The following TEX264 variants were observed in gnomAD, a reference collection of about 807,000 sequenced individuals.
TEX264 encodes testis expressed 264, ER-phagy receptor.
In TEX264, 13 loss-of-function variants were observed where a neutral mutation model predicts 23.4. That is an observed-to-expected ratio of 0.56 (90% CI 0.36 to 0.88). The LOEUF (loss-of-function observed/expected upper bound fraction) is 0.88, where lower values mean the gene tolerates loss of function less well. Among genes scored for constraint, TEX264 ranks in the 40% least tolerant of loss-of-function variants. The pLI is 0.01. For synonymous variants in TEX264, 159 were observed against 170.0 expected (o/e 0.94, Z 0.50); for missense variants, 340 against 406.8 (o/e 0.84, Z 1.41).
At chr3:51,682,529 T>C (rs1234081267) in intron 2 of TEX264, 1 of 152,236 alleles carries the variant, frequency 6.6e-6, no homozygotes, top group Non-Finnish European at 1.5e-5. Context: ...TTCTAGGCCA[T>C]GGACAGTTGT....
At chr3:51,700,207 G>T (rs1159690146) in intron 4 of TEX264, among the ~76,000 whole-genome samples, 1 of 152,132 alleles carries the variant, frequency 6.6e-6, no homozygotes, top group African/African-American at 2.4e-5. Context: ...GTGACCCCGG[G>T]CTGTCTCAGG....
chr3:51,700,949 G>A (rs1458519533), intron 4 of TEX264, among the ~76,000 whole-genome samples: 3 of 152,202 alleles, frequency 2.0e-5, no homozygotes, highest in Admixed American at 1.3e-4. Context: ...GGTGGTGGGT[G>A]CATGCAGGAT....
In TEX264 at chr3:51,686,018, TGAGG is replaced by T. The variant is rs757402520; in HGVS notation, c.480+1389_480+1392del. Among the ~76,000 whole-genome samples the T allele has an allele frequency of 3.3e-5, 5 of 152,138 alleles. No homozygotes were observed. The highest frequency in any genetic ancestry group is 1.3e-4 in the Admixed American group (2 of 15,280). On this transcript the variant is annotated intron_variant, in intron 3 of 4. Transcript: ENST00000341333. The surrounding 1 kb of genome is among the most constrained non-coding windows in gnomAD (Gnocchi z 4.1). Reference sequence around the variant, plus strand: ...ATGCTTTCACTGACATGTGGGGAACTGAGGGAGGCCCTGGTTTTGGGGGGAAGGT... The same window carrying T: ...ATGCTTTCACTGACATGTGGGGAACTGAGGCCCTGGTTTTGGGGGGAAGGT...
intron 2 of TEX264, among the ~76,000 whole-genome samples, chr3:51,678,901 A>G (rs1236851740): frequency 1.3e-5 from 2 of 152,206 alleles, no homozygotes; most frequent in Non-Finnish European, 2.9e-5. Flanking sequence ...CAACAAAGGC[A>G]ATGGGAATGT....
chr3:51,682,217 A>G (rs2106933356), intron 2 of TEX264: 1 of 152,268 alleles, frequency 6.6e-6, no homozygotes, highest in South Asian at 2.1e-4. Context: ...CCTGCCAGAT[A>G]ACTTCCTGCC....
chr3:51,703,824 T>C lies in TEX264; in HGVS notation c.750T>C (p.Arg250=). 4 of 1,612,702 alleles carry C rather than the reference T, an allele frequency of 2.5e-6. No homozygotes were observed. The highest frequency in any genetic ancestry group is 3.4e-6 in the Non-Finnish European group (4 of 1,179,066). ...CACTGTCACCTGGGGCGAGCAGCCG[T>C]GGCTGGGATGACGGTGACACCCGCA... ...AATLSPGASS[R]GWDDGDTRSE... The change falls in exon 5 of 5, where the codon CGT becomes CGC. Residue 250 remains arginine, a synonymous_variant. Coordinates refer to ENST00000341333, the MANE Select transcript of TEX264 (RefSeq NM_015926.6). The surrounding 1 kb of genome is among the most constrained non-coding windows in gnomAD (Gnocchi z 4.8).
intron 2 of TEX264, among the ~76,000 whole-genome samples, chr3:51,677,342 T>A (rs1249038024): frequency 6.6e-6 from 1 of 152,194 alleles, no homozygotes; most frequent in Admixed American, 6.5e-5. Flanking sequence ...TGGAGTGGGC[T>A]GAGAACCAAA....
chr3:51,682,847 G>T (rs1702483726), intron 2 of TEX264: 2 of 152,270 alleles, frequency 1.3e-5, no homozygotes, highest in Non-Finnish European at 2.9e-5. Flanking sequence ...GCAGACAGTT[G>T]AGGGTGACCG....
chr3:51,701,094 G>A (rs1703283959), intron 4 of TEX264, among the ~76,000 whole-genome samples: 1 of 152,200 alleles, frequency 6.6e-6, no homozygotes, highest in African/African-American at 2.4e-5. Flanking sequence ...CTTCAGAGAG[G>A]CGATGAATAT....
chr3:51,691,659 G>T lies in TEX264; in HGVS notation c.480+7025G>T, dbSNP rs1236180437. On this transcript the variant is annotated intron_variant, in intron 3 of 4. Transcript: ENST00000341333. This position sits in a 1 kb window ranked among gnomAD's most constrained non-coding sequence, Gnocchi z 4.4. ...GAGTACAGGAGAGGAGCAAGAGTTT[G>T]GGCCTAAGAGATATAGGCTGGGTCC... Among the ~76,000 whole-genome samples the T allele has an allele frequency of 6.6e-6, 1 of 152,102 alleles. No individual in the cohort carries two copies. Among genetic ancestry groups the T allele is most frequent in the Non-Finnish European group, 1.5e-5 (1 of 68,020 alleles).
rs763246169 is a variant in TEX264, at chr3:51,684,545, G to A, written c.391G>A (p.Val131Met). The A allele has an allele frequency of 6.2e-7, 1 of 1,614,214 alleles. No individual in the cohort carries two copies. Among genetic ancestry groups the A allele is most frequent in the South Asian group, 1.1e-5 (1 of 91,086 alleles). The part of the protein sequence containing the change: ...KVFSFPAPSH[V>M]VTATFPYTTI... ...GTTCTCCTTCCCGGCACCCAGCCATGTGGTGACAGCCACCTTCCCCTACAC... is the reference window on the plus strand; with the variant it reads ...GTTCTCCTTCCCGGCACCCAGCCATATGGTGACAGCCACCTTCCCCTACAC... The change falls in exon 3 of 5, where the codon GTG (valine) becomes ATG (methionine). Residue 131 changes from valine to methionine, a missense_variant. Transcript: ENST00000341333.
At position 51,703,364 on chromosome 3, in the gene TEX264, C is replaced by T. The variant is rs907524327; in HGVS notation, c.650-360C>T. ...AGGACACTACTTGTGTCTCTTTGTT[C>T]TACCTCAGCTCCTCACCTCAGGGCT... On this transcript the variant is annotated intron_variant, in intron 4 of 4. Transcript: ENST00000341333. This position sits in a 1 kb window ranked among gnomAD's most constrained non-coding sequence, Gnocchi z 4.8. Among the ~76,000 whole-genome samples the T allele has an allele frequency of 6.6e-6, 1 of 152,150 alleles. No homozygotes were observed. Among genetic ancestry groups the T allele is most frequent in the Non-Finnish European group, 1.5e-5 (1 of 68,022 alleles).
intron 3 of TEX264, among the ~76,000 whole-genome samples, chr3:51,692,853 C>T (rs1208160474): frequency 6.6e-6 from 1 of 152,248 alleles, no homozygotes; most frequent in Non-Finnish European, 1.5e-5. Flanking sequence ...GCTGAGCTCT[C>T]CTTGGGGTAC....
rs954933642 is a variant in TEX264 at position 51,686,245 on chromosome 3, G to A, written c.480+1611G>A. On this transcript the variant is annotated intron_variant, in intron 3 of 4. Coordinates refer to ENST00000341333, the MANE Select transcript of TEX264 (RefSeq NM_015926.6). This position sits in a 1 kb window ranked among gnomAD's most constrained non-coding sequence, Gnocchi z 4.1. ...GCCTCTGTGGGACCAGGTAGGCAGT[G>A]GACAGCCTGTGGCAGCAAAGGCTGC... Among the ~76,000 whole-genome samples the A allele has an allele frequency of 6.6e-6, 1 of 152,216 alleles. No homozygotes were observed. The highest frequency in any genetic ancestry group is 1.5e-5 in the Non-Finnish European group (1 of 68,038).
Position 51,684,404 on chromosome 3 carries a change from C to T in TEX264, c.259-9C>T. The T allele has an allele frequency of 6.2e-7, 1 of 1,613,326 alleles. No homozygotes were observed. Among genetic ancestry groups the T allele is most frequent in the Non-Finnish European group, 8.5e-7 (1 of 1,179,342 alleles). On this transcript the variant is annotated splice_polypyrimidine_tract_variant and intron_variant, in intron 2 of 4. Transcript: ENST00000341333. ...GGCCAACTCTCACACCCATGCTTTG[C>T]TTCCCCAGGTGCCCCCTGATAAGTG... is the stretch of plus-strand genomic sequence containing the variant.
At chr3:51,685,020 T>TG (rs1702567889) in intron 3 of TEX264, among the ~76,000 whole-genome samples, 1 of 152,242 alleles carries the variant, frequency 6.6e-6, no homozygotes. Context: ...TCCCAGTGTC[T>TG]GGGCAGGCCC....
At chr3:51,679,747 A>G (rs1290240002) in intron 2 of TEX264, among the ~76,000 whole-genome samples, 1 of 152,142 alleles carries the variant, frequency 6.6e-6, no homozygotes, top group Non-Finnish European at 1.5e-5. Flanking sequence ...TTGAAGGTGT[A>G]GGGTTATAGA....
chr3:51,690,115 G>T (rs1203358537), intron 3 of TEX264, among the ~76,000 whole-genome samples: 1 of 152,238 alleles, frequency 6.6e-6, no homozygotes, highest in African/African-American at 2.4e-5. Context: ...AGTGGGCACA[G>T]AACCGCTTGT....
chr3:51,693,725 C>A (rs1702916016), intron 3 of TEX264, among the ~76,000 whole-genome samples: 1 of 152,070 alleles, frequency 6.6e-6, no homozygotes, highest in African/African-American at 2.4e-5. Context: ...GGTGATCTGC[C>A]CACCTTGGCC....
Sources: gnomAD v4.1 joint callset for allele counts (sites outside exome capture counted in the v4.1 genomes callset) on GRCh38, gnomAD v4.1.1 for gene constraint, Gnocchi (gnomAD v3.1) non-coding constraint, MANE v1.5 for transcripts, NCBI Gene and HGNC (gene_info 2026-07-23, HGNC 2026-07-21) for gene names.